TRIP4: variants seen among roughly 807,000 people sequenced by gnomAD.
TRIP4 encodes thyroid hormone receptor interactor 4.
In TRIP4, 54 loss-of-function variants were observed where a neutral mutation model predicts 81.8. The ratio of observed to expected loss-of-function variants is 0.66; its 90% CI spans 0.53 to 0.83. TRIP4 has a LOEUF of 0.83. TRIP4 is among the 40% of genes least tolerant of loss of function. TRIP4 has a pLI of 0.00. For synonymous variants in TRIP4, 270 were observed against 242.8 expected (o/e 1.11, Z -1.04); for missense variants, 662 against 683.6 (o/e 0.97, Z 0.35).
rs1382220681 is a variant in TRIP4 at position 64,397,741 on chromosome 15, A to G, written c.541A>G (p.Ile181Val). The change falls in exon 4 of 13, where the codon ATC (isoleucine) becomes GTC (valine). Residue 181 changes from isoleucine to valine, a missense_variant. Ile to Val is a conservative substitution (Grantham distance 29, BLOSUM62 3). Transcript: ENST00000261884. ...CDCLGQKHKLINNCLICGRIV... is the reference protein window; with the variant it reads ...CDCLGQKHKLVNNCLICGRIV... ...TTGCCTGGGCCAGAAGCACAAGCTC[A>G]TCAATAACTGTCTGATCTGTGGGCG... The G allele has an allele frequency of 4.3e-6, 7 of 1,614,120 alleles. No individual in the cohort carries two copies. The highest frequency in any genetic ancestry group is 5.9e-6 in the Non-Finnish European group (7 of 1,180,044).
At chr15:64,427,299 A>G (rs986839849) in intron 11 of TRIP4, among the ~76,000 whole-genome samples, 2 of 152,146 alleles carry the variant, frequency 1.3e-5, no homozygotes, top group Non-Finnish European at 2.9e-5. Context: ...TCTTTTTCAG[A>G]CTTACTTACC....
At chr15:64,395,903 G>A (rs1900277859) in intron 3 of TRIP4, among the ~76,000 whole-genome samples, 1 of 119,542 alleles carries the variant, frequency 8.4e-6, no homozygotes, top group Non-Finnish European at 1.8e-5. Context: ...ACCATACCCA[G>A]CTAATTTTCT....
intron 11 of TRIP4, among the ~76,000 whole-genome samples, chr15:64,427,806 G>T (rs1892180836): frequency 6.6e-6 from 1 of 152,132 alleles, no homozygotes; most frequent in Admixed American, 6.6e-5. Flanking sequence ...TGAATTTTGA[G>T]TTCTAGCGTT....
chr15:64,388,205 T>G (rs1427114285), intron 1 of TRIP4, among the ~76,000 whole-genome samples: 1 of 152,288 alleles, frequency 6.6e-6, no homozygotes, highest in East Asian at 1.9e-4. Context: ...TCTGTAATAA[T>G]TAGAAATGCA....
chr15:64,403,020 C>T (rs1016161488), intron 5 of TRIP4, among the ~76,000 whole-genome samples: 3 of 151,876 alleles, frequency 2.0e-5, no homozygotes, highest in Admixed American at 6.6e-5. Flanking sequence ...CCACCATGCC[C>T]GGCTAATTTT....
chr15:64,422,687 C>T (rs987468336), intron 9 of TRIP4, among the ~76,000 whole-genome samples: 2 of 152,206 alleles, frequency 1.3e-5, no homozygotes, highest in African/African-American at 4.8e-5. Flanking sequence ...GTTTACATTT[C>T]TCTCATCCTA....
chr15:64,428,217 T>G (rs561848995), intron 11 of TRIP4, among the ~76,000 whole-genome samples: 1 of 152,310 alleles, frequency 6.6e-6, no homozygotes, highest in South Asian at 2.1e-4. Context: ...GTCAAATGAT[T>G]TCAATCTCTA....
chr15:64,433,281 C>G (rs982384562), intron 11 of TRIP4, among the ~76,000 whole-genome samples: 17 of 152,108 alleles, frequency 1.1e-4, no homozygotes, highest in African/African-American at 3.9e-4. Flanking sequence ...ATGCTATTTT[C>G]TAATCCTTAT....
At chr15:64,397,239 T>C (rs1012280402) in intron 3 of TRIP4, among the ~76,000 whole-genome samples, 1 of 152,210 alleles carries the variant, frequency 6.6e-6, no homozygotes, top group Non-Finnish European at 1.5e-5. Context: ...TGATGGCCCA[T>C]ATTTCCAAAT....
intron 11 of TRIP4, among the ~76,000 whole-genome samples, chr15:64,429,604 T>G (rs997180619): frequency 3.3e-5 from 5 of 152,220 alleles, no homozygotes; most frequent in African/African-American, 4.8e-5. Context: ...CTCAAAACTT[T>G]GAGCATAAAT....
intron 12 of TRIP4, 78 bp from the exon 13 acceptor site, chr15:64,454,919 A>G (rs2140320529): frequency 7.5e-7 from 1 of 1,327,842 alleles, no homozygotes; most frequent in South Asian, 1.2e-5. Context: ...CACAGTAACC[A>G]GAAGACCTGG....
intron 4 of TRIP4, among the ~76,000 whole-genome samples, chr15:64,398,740 T>A (rs1412053992): frequency 6.6e-6 from 1 of 152,144 alleles, no homozygotes; most frequent in East Asian, 1.9e-4. Context: ...GTCATAGCTC[T>A]GCTTTGTCTG....
chr15:64,397,702 C>T lies in TRIP4; in HGVS notation c.502C>T (p.Arg168Cys), dbSNP rs149115200. ...CAGGCTTGCAGTCCTGCTCCCTGGT[C>T]GTCACCCTTGTGATTGCCTGGGCCA... is the stretch of plus-strand genomic sequence containing the variant. ...QDRLAVLLPGRHPCDCLGQKH... is the reference protein window; with the variant it reads ...QDRLAVLLPGCHPCDCLGQKH... Residue 168 changes from arginine (R) to cysteine (C), a missense_variant, in exon 4 of 13, where the codon CGT becomes TGT. Transcript: ENST00000261884. 42 of 1,614,086 alleles carry T rather than the reference C, an allele frequency of 2.6e-5. No individual in the cohort carries two copies. The highest frequency in any genetic ancestry group is 5.3e-5 in the African/African-American group (4 of 74,934).
intron 6 of TRIP4, among the ~76,000 whole-genome samples, chr15:64,408,338 A>G (rs1891679831): frequency 1.4e-5 from 2 of 139,304 alleles, no homozygotes; most frequent in African/African-American, 5.4e-5. Context: ...GGCTTACTGC[A>G]AGCTCCGCCC....
chr15:64,414,167 T>G lies in TRIP4; in HGVS notation c.1126T>G (p.Leu376Val), dbSNP rs760377290. ...TKLDRSSEEP[L>V]GVLVNPNMYQ... Reference sequence around the variant, plus strand: ...ATTGGATAGATCTTCTGAAGAGCCTTTGGGAGTTCTGGTAAATCCCAACAT... The same window carrying G: ...ATTGGATAGATCTTCTGAAGAGCCTGTGGGAGTTCTGGTAAATCCCAACAT... Residue 376 changes from leucine to valine, a missense_variant, in exon 8 of 13, where the codon TTG (leucine) becomes GTG (valine). Transcript: ENST00000261884. 5 of 1,614,166 alleles carry G rather than the reference T, an allele frequency of 3.1e-6. No homozygotes were observed. In the Middle Eastern group the frequency reaches 8.2e-4, roughly 266 times the overall value.
chr15:64,412,737 C>T (rs958115722), intron 7 of TRIP4, among the ~76,000 whole-genome samples: 1 of 152,104 alleles, frequency 6.6e-6, no homozygotes, highest in Non-Finnish European at 1.5e-5. Context: ...TTGTTATCCA[C>T]AAACGTTTTG....
At chr15:64,433,167 A>G (rs918714298) in intron 11 of TRIP4, among the ~76,000 whole-genome samples, 34 of 152,314 alleles carry the variant, frequency 2.2e-4, no homozygotes, top group Middle Eastern at 3.4e-3. Flanking sequence ...CTAGCTGGGA[A>G]GGATCCCAAA....
At position 64,388,969 on chromosome 15, in the gene TRIP4, A is replaced by G. The variant is rs538672307; in HGVS notation, c.101+1005A>G. ...CACGCCAGGTGCTGGGGTAACAAAG[A>G]CAAGACAGTTGGGTTCCCCTTCGTT... is the stretch of plus-strand genomic sequence containing the variant. On this transcript the variant is annotated intron_variant, in intron 1 of 12. Transcript: ENST00000261884. 3.2e-3 allele frequency among the ~76,000 whole-genome samples: 480 copies of G among 152,318 alleles called. 4 individuals are homozygous for G. Among genetic ancestry groups the G allele is most frequent in the African/African-American group, 0.011 (451 of 41,572 alleles).
intron 6 of TRIP4, among the ~76,000 whole-genome samples, chr15:64,408,328 G>T (rs1219330115): frequency 7.6e-6 from 1 of 131,808 alleles, no homozygotes; most frequent in Non-Finnish European, 1.5e-5. Flanking sequence ...GCGCCATCTC[G>T]GCTTACTGCA....
Sources: allele counts gnomAD v4.1 joint callset (sites outside exome capture counted in the v4.1 genomes callset), GRCh38; gene constraint gnomAD v4.1.1; transcripts MANE v1.5; gene names NCBI Gene and HGNC (gene_info 2026-07-23, HGNC 2026-07-21).